ZNF846: variants seen among roughly 807,000 people sequenced by gnomAD.
The protein encoded by ZNF846 is zinc finger protein 846.
In ZNF846, 15 loss-of-function variants were observed where a neutral mutation model predicts 16.0. The ratio of observed to expected loss-of-function variants is 0.94; its 90% CI spans 0.63 to 1.45. The LOEUF is 1.45. ZNF846 is among the 40% of genes most tolerant of loss of function. The pLI is 0.00. For missense variants in ZNF846, 714 were observed against 622.3 expected, an observed-to-expected ratio of 1.15 and a Z score of -1.57; for synonymous variants, 229 against 212.0, an observed-to-expected ratio of 1.08 and a Z score of -0.70.
chr19:9,781,000 T>C (rs1156832052), intron 1 of ZNF846, among the ~76,000 whole-genome samples: 4 of 152,206 alleles, frequency 2.6e-5, no homozygotes, highest in Non-Finnish European at 5.9e-5. Context: ...GGACATTCTA[T>C]AAGGATTAGG....
intron 2 of ZNF846, 121 bp from the exon 3 acceptor site, chr19:9,763,529 TCTC>T (rs2145231633): frequency 1.2e-6 from 1 of 831,290 alleles, no homozygotes; most frequent in East Asian, 2.7e-5. Context: ...TCAGGCCTCT[TCTC>T]CTCTATATAG....
At chr19:9,777,200 C>T (rs1057344091) in intron 1 of ZNF846, among the ~76,000 whole-genome samples, 15 of 151,532 alleles carry the variant, frequency 9.9e-5, no homozygotes, top group Middle Eastern at 3.5e-3. Context: ...AGCATGGTGG[C>T]TTGCACCTGT....
chr19:9,774,447 A>C (rs1050487866), intron 1 of ZNF846: 1 of 724,328 alleles, frequency 1.4e-6, no homozygotes. Context: ...CAGCCTGGGC[A>C]ACAGAGCAAG....
Position 9,758,304 on chromosome 19 carries a change from TC to T in ZNF846, c.772del (p.Glu258AsnfsTer100), listed in dbSNP as rs1179838307. 7.4e-6 allele frequency: 12 copies of T among 1,613,286 alleles called. No homozygotes were observed. The highest frequency in any genetic ancestry group is 8.5e-6 in the Non-Finnish European group (10 of 1,179,950). On this transcript the variant is annotated frameshift_variant, in exon 6 of 6. Transcript: ENST00000397902. LOFTEE classifies it low-confidence loss of function (END_TRUNC). ...GGATTGAGTGAAAGCTTTACCACAT[TC>T]TTTACAGACATAGGGCTTCTCTCCA...
chr19:9,755,799 CAAAAAAAAAAAAAAAAA>C (rs538572391), downstream of ZNF846, among the ~76,000 whole-genome samples: 40 of 24,704 alleles, frequency 1.6e-3, 1 homozygote, highest in African/African-American at 3.7e-3. Context: ...GACTCCGTCT[CAAAAAAAAAAAAAAAAA>C]AAAAAAAAAA....
At position 9,774,693 on chromosome 19, in the gene ZNF846, C is replaced by T. The variant is rs564750444; in HGVS notation, c.-85-9658G>A. ...CCAGCAGAGTATCCATTCAAACTAC[C>T]AAAGATCACATTTAAAACAAAGATC... On this transcript the variant is annotated intron_variant, in intron 1 of 4. Transcript: ENST00000586814. 12 of 1,500,432 alleles carry T rather than the reference C, an allele frequency of 8.0e-6. No individual in the cohort carries two copies. The South Asian group carries it at 1.3e-4, about 16-fold the overall frequency. The allele number at this position is 1,500,432 out of a possible 1,614,324, so 92.9% of individuals were successfully genotyped here.
At chr19:9,756,345 G>GTTTGTATATA (rs1321690890), downstream of ZNF846, 1 of 81,776 alleles carries the variant, frequency 1.2e-5, no homozygotes, top group South Asian at 4.6e-4. Context: ...GTGTGTGTGT[G>GTTTGTATATA]TATATATATA....
chr19:9,758,069 C>T (rs1243025995), exon 6 of ZNF846: 1 of 1,613,394 alleles, frequency 6.2e-7, no homozygotes, highest in African/African-American at 1.3e-5. Context: ...ATTCATATGG[C>T]TTTTCTCCAG....
chr19:9,749,266 G>A (rs527780271), downstream of ZNF846, among the ~76,000 whole-genome samples: 1 of 152,096 alleles, frequency 6.6e-6, no homozygotes, highest in South Asian at 2.1e-4. Context: ...TTTTGCAACA[G>A]GGCTTTATGA....
rs547554952 is a variant in ZNF846, at chr19:9,761,624, T to C, written c.229+458A>G. The stretch of plus-strand genomic sequence containing the variant: ...TACTTGGGAGGCTGAGGCAGGAGAA[T>C]TGCTTGAACCCAGGAGGTGGAGGTT... On this transcript the variant is annotated intron_variant, in intron 4 of 5. Transcript: ENST00000397902. 1.3e-4 allele frequency among the ~76,000 whole-genome samples: 20 copies of C among 151,928 alleles called. 1 individual carries two copies. In the South Asian group the frequency reaches 3.3e-3, roughly 25 times the overall value.
exon 6 of ZNF846, chr19:9,757,604 T>A: frequency 6.2e-7 from 1 of 1,613,688 alleles, no homozygotes; most frequent in South Asian, 1.1e-5. Context: ...CGTTAAGGTA[T>A]GTGGAATACC....
upstream of ZNF846, among the ~76,000 whole-genome samples, chr19:9,770,480 CTTTTTTT>C (rs565850988): frequency 2.3e-5 from 3 of 130,138 alleles, no homozygotes; most frequent in Non-Finnish European, 5.0e-5. Flanking sequence ...TGGGTTTTCT[CTTTTTTT>C]TTTTTTTTTG....
upstream of ZNF846, among the ~76,000 whole-genome samples, chr19:9,769,837 C>T (rs1008211386): frequency 6.6e-6 from 1 of 151,764 alleles, no homozygotes; most frequent in Non-Finnish European, 1.5e-5. Flanking sequence ...AAAAAATAGC[C>T]GGGTGTGGTG....
At chr19:9,761,464 G>A (rs564042499) in intron 4 of ZNF846, among the ~76,000 whole-genome samples, 18 of 151,960 alleles carry the variant, frequency 1.2e-4, no homozygotes, top group African/African-American at 3.9e-4. Flanking sequence ...TGTAATGCCA[G>A]CACTTTGGGA....
At chr19:9,757,570 C>G in exon 6 of ZNF846, 1 of 1,613,222 alleles carries the variant, frequency 6.2e-7, no homozygotes. Flanking sequence ...TATGGTTTTG[C>G]TCCAGTGTGA....
downstream of ZNF846, chr19:9,756,583 C>T (rs193039185): frequency 5.3e-5 from 8 of 151,260 alleles, no homozygotes; most frequent in Admixed American, 6.6e-5. Flanking sequence ...ATATCTGAAA[C>T]TGTCAGAAAT....
At chr19:9,754,730 G>T (rs1479671026), downstream of ZNF846, among the ~76,000 whole-genome samples, 1 of 151,186 alleles carries the variant, frequency 6.6e-6, no homozygotes, top group East Asian at 1.9e-4. Context: ...CTCTTTTTCT[G>T]TATGTCTTAC....
intron 1 of ZNF846, among the ~76,000 whole-genome samples, chr19:9,767,343 C>T (rs1438810525): frequency 6.6e-6 from 1 of 151,834 alleles, no homozygotes; most frequent in East Asian, 1.9e-4. Context: ...CCATGTTGGT[C>T]GGGCTGGTCT....
exon 6 of ZNF846, chr19:9,757,492 C>T (rs760561196): frequency 6.3e-7 from 1 of 1,588,972 alleles, no homozygotes; most frequent in Non-Finnish European, 8.6e-7. Context: ...TTTTCACATG[C>T]CTTAGTTCTT....
Sources: gnomAD v4.1 joint callset for allele counts (sites outside exome capture counted in the v4.1 genomes callset) on GRCh38, gnomAD v4.1.1 for gene constraint, MANE v1.5 for transcripts, NCBI Gene and HGNC (gene_info 2026-07-23, HGNC 2026-07-21) for gene names.